RIIAD1: variants seen among roughly 807,000 people sequenced by gnomAD.
The protein encoded by RIIAD1 is regulatory subunit of type II PKA R-subunit domain containing 1, also known as RIIa domain-containing protein 1.
In RIIAD1, 15 loss-of-function variants were observed where a neutral mutation model predicts 13.3. The ratio of observed to expected loss-of-function variants is 1.13; its 90% CI spans 0.76 to 1.74. RIIAD1 has a LOEUF of 1.74. Ranked by LOEUF, RIIAD1 falls within the 40% of genes most tolerant of loss-of-function variation. The pLI is 0.00. For synonymous variants in RIIAD1, 50 were observed against 43.3 expected, an observed-to-expected ratio of 1.16 and a Z score of -0.61; for missense variants, 121 against 112.2, an observed-to-expected ratio of 1.08 and a Z score of -0.35.
intron 4 of RIIAD1, chr1:151,715,865 C>G (rs776056154): frequency 6.2e-7 from 1 of 1,608,732 alleles, no homozygotes. Flanking sequence ...TCAGCCTGCC[C>G]GACCCCTCAC....
At chr1:151,716,044 C>T (rs1197466816) in intron 4 of RIIAD1, 14 of 1,597,524 alleles carry the variant, frequency 8.8e-6, no homozygotes, top group South Asian at 5.7e-5. Flanking sequence ...GAGGAGGGGC[C>T]GAGGGGAGCA....
At chr1:151,718,331 A>G (rs1673642861), upstream of RIIAD1, among the ~76,000 whole-genome samples, 1 of 152,082 alleles carries the variant, frequency 6.6e-6, no homozygotes, top group Non-Finnish European at 1.5e-5. Flanking sequence ...CAAGACACAG[A>G]GCTGAAATAA....
exon 4 of RIIAD1, chr1:151,714,470 G>A: frequency 1.3e-6 from 1 of 746,922 alleles, no homozygotes. Flanking sequence ...GCTACAGAGA[G>A]AGAGGGGGAC....
At chr1:151,722,502 G>C (rs1455992829) in intron 2 of RIIAD1, among the ~76,000 whole-genome samples, 1 of 152,178 alleles carries the variant, frequency 6.6e-6, no homozygotes, top group East Asian at 1.9e-4. Flanking sequence ...TTTTCTTGGG[G>C]AAGAGAAGAC....
At chr1:151,722,014 C>A in intron 1 of RIIAD1, 72 bp from the exon 2 acceptor site, 1 of 1,074,350 alleles carries the variant, frequency 9.3e-7, no homozygotes, top group Non-Finnish European at 1.4e-6. Flanking sequence ...TTTCCCGCAG[C>A]CCTTCACATC....
At chr1:151,726,647 A>C (rs1571950019) in intron 2 of RIIAD1, among the ~76,000 whole-genome samples, 1 of 152,306 alleles carries the variant, frequency 6.6e-6, no homozygotes, top group Non-Finnish European at 1.5e-5. Flanking sequence ...TTGGATGTAA[A>C]ATGGGGGCAT....
rs960645497 is a variant in RIIAD1, at chr1:151,728,468, G to A, written c.209-298G>A. ...CAGCAGGCGGAGGAGCAAACGGTGCGACTCGGGGTAGGTGGGGGGTGGGGG... is the reference window on the plus strand; with the variant it reads ...CAGCAGGCGGAGGAGCAAACGGTGCAACTCGGGGTAGGTGGGGGGTGGGGG... On this transcript the variant is annotated intron_variant, in intron 3 of 4. Coordinates refer to ENST00000479191, the MANE Select transcript of RIIAD1 (RefSeq NM_001144956.3). 1.7e-5 allele frequency: 7 copies of A among 403,696 alleles called. No homozygotes were observed. In the Admixed American group the frequency reaches 2.0e-4, roughly 11 times the overall value. 25.0% of individuals were successfully genotyped at this position (403,696 alleles called of 1,614,324 possible).
intron 2 of RIIAD1, among the ~76,000 whole-genome samples, chr1:151,725,549 T>C (rs973723644): frequency 6.6e-6 from 1 of 152,194 alleles, no homozygotes; most frequent in Non-Finnish European, 1.5e-5. Flanking sequence ...CATGGTACTA[T>C]TGTTCAGATG....
intron 2 of RIIAD1, among the ~76,000 whole-genome samples, chr1:151,723,883 C>G (rs1673784220): frequency 6.6e-6 from 1 of 152,162 alleles, no homozygotes; most frequent in South Asian, 2.1e-4. Context: ...AATATCAGAC[C>G]TGAGGATCAG....
At chr1:151,718,191 C>G (rs1673630579), upstream of RIIAD1, among the ~76,000 whole-genome samples, 1 of 152,196 alleles carries the variant, frequency 6.6e-6, no homozygotes, top group African/African-American at 2.4e-5. Flanking sequence ...ATAATAGTAA[C>G]AGCCAGTGCT....
At chr1:151,725,903 G>T (rs764600342) in intron 2 of RIIAD1, among the ~76,000 whole-genome samples, 2 of 151,988 alleles carry the variant, frequency 1.3e-5, no homozygotes, top group Non-Finnish European at 2.9e-5. Flanking sequence ...CCCTGCATGC[G>T]TCCCTCACTC....
At chr1:151,720,752 G>T (rs932580869), upstream of RIIAD1, among the ~76,000 whole-genome samples, 2 of 152,214 alleles carry the variant, frequency 1.3e-5, no homozygotes, top group Non-Finnish European at 2.9e-5. Context: ...AGCTCGGCAT[G>T]TGTGTATTGA....
intron 4 of RIIAD1, among the ~76,000 whole-genome samples, chr1:151,714,862 A>C (rs1274140907): frequency 6.6e-6 from 1 of 152,054 alleles, no homozygotes; most frequent in Admixed American, 6.5e-5. Context: ...AGACACCTGG[A>C]GGCCTAAATA....
intron 2 of RIIAD1, among the ~76,000 whole-genome samples, chr1:151,725,127 T>TG (rs1553274546): frequency 7.1e-6 from 1 of 141,788 alleles, no homozygotes; most frequent in Non-Finnish European, 1.5e-5. Flanking sequence ...TTTTTTTTTT[T>TG]GGAGACGAAG....
chr1:151,716,041 G>A, intron 4 of RIIAD1: 3 of 1,600,626 alleles, frequency 1.9e-6, no homozygotes, highest in Middle Eastern at 1.7e-4. Context: ...CAGGAGGAGG[G>A]GCCGAGGGGA....
upstream of RIIAD1, among the ~76,000 whole-genome samples, chr1:151,717,462 TGTGTATAA>T (rs532694740): frequency 3.8e-4 from 58 of 152,248 alleles, 1 homozygote; most frequent in Non-Finnish European, 1.6e-4. Flanking sequence ...GGGGGGTTTG[TGTGTATAA>T]GTGCGTGGGC....
chr1:151,727,354 TC>T (rs1673850329), intron 2 of RIIAD1, among the ~76,000 whole-genome samples: 1 of 152,192 alleles, frequency 6.6e-6, no homozygotes, highest in African/African-American at 2.4e-5. Flanking sequence ...GTAAGCAATA[TC>T]CTAGTGTATT....
chr1:151,713,944 G>C (rs1673241655), intron 3 of RIIAD1, among the ~76,000 whole-genome samples: 1 of 152,068 alleles, frequency 6.6e-6, no homozygotes, highest in Non-Finnish European at 1.5e-5. Context: ...TGCCTCCCTG[G>C]GCATACCTGG....
rs192357302 is a variant in RIIAD1, at chr1:151,726,589, A to T, written c.162-986A>T. 8.5e-5 allele frequency among the ~76,000 whole-genome samples: 13 copies of T among 152,316 alleles called. No individual in the cohort carries two copies. The East Asian group carries it at 2.5e-3, about 29-fold the overall frequency. ...TGGGCCCTCTTTACTTCATTTACCA[A>T]GTTTATGAACTTGGGCAAATCATTA... On this transcript the variant is annotated intron_variant, in intron 2 of 4. Transcript: ENST00000479191.
Sources: allele counts gnomAD v4.1 joint callset (sites outside exome capture counted in the v4.1 genomes callset), GRCh38; gene constraint gnomAD v4.1.1; transcripts MANE v1.5; gene names NCBI Gene and HGNC (gene_info 2026-07-23, HGNC 2026-07-21).